Variants in PVT1 observed in about 807,000 individuals in gnomAD.
PVT1 encodes Pvt1 oncogene, also known as CXCR4/PVT1 fusion.
chr8:128,002,965 C>CTT (rs1491575048), intron 4 of PVT1, among the ~76,000 whole-genome samples: 34 of 77,492 alleles, frequency 4.4e-4, no homozygotes, highest in African/African-American at 1.5e-4. Context: ...CTCCCTCCCT[C>CTT]CCTCTTCCTT....
chr8:127,819,679 C>T (rs912547056), intron 2 of PVT1, among the ~76,000 whole-genome samples: 5 of 152,148 alleles, frequency 3.3e-5, no homozygotes, highest in Non-Finnish European at 7.3e-5. Flanking sequence ...ACCCAGCCCT[C>T]GGGAGCTCAC....
intron 2 of PVT1, among the ~76,000 whole-genome samples, chr8:127,878,874 G>A (rs73710049): frequency 0.17 from 25,337 of 152,126 alleles, 2,592 homozygotes; most frequent in East Asian, 0.28. Flanking sequence ...GCCAGGGGTG[G>A]GCTGTTCTGG....
chr8:127,962,031 G>A (rs1453350445), intron 3 of PVT1, among the ~76,000 whole-genome samples: 1 of 152,248 alleles, frequency 6.6e-6, no homozygotes, highest in Non-Finnish European at 1.5e-5. Flanking sequence ...CTGGAGTGCA[G>A]TGGCGCGATC....
At chr8:127,883,173 C>T (rs767503350) in intron 2 of PVT1, among the ~76,000 whole-genome samples, 4 of 144,676 alleles carry the variant, frequency 2.8e-5, no homozygotes, top group Non-Finnish European at 6.3e-5. Context: ...CTTATTATGG[C>T]TCCCCCTGCA....
chr8:127,931,127 A>G (rs12114688), intron 3 of PVT1, among the ~76,000 whole-genome samples: 41,949 of 152,034 alleles, frequency 0.28, 6,588 homozygotes, highest in East Asian at 0.5. Flanking sequence ...GCTGGTCTCA[A>G]ACTCCTGGGC....
At chr8:127,920,886 A>G (rs936663166) in intron 3 of PVT1, among the ~76,000 whole-genome samples, 4 of 152,212 alleles carry the variant, frequency 2.6e-5, no homozygotes, top group Non-Finnish European at 5.9e-5. Context: ...GAAACCAGGA[A>G]TTGTAGATGT....
Position 127,857,149 on chromosome 8 carries a change from A to G in PVT1, n.373-33440A>G, listed in dbSNP as rs190390820. 1.8e-4 allele frequency among the ~76,000 whole-genome samples: 27 copies of G among 152,144 alleles called. No individual in the cohort carries two copies. The East Asian group carries it at 5.1e-3, about 28-fold the overall frequency. ...GCTGAGGCAGGAGAATTGCTTGAAC[A>G]TGGGAGGAAGAAGTTGCAGTGAGCC... On this transcript the variant is annotated intron_variant and non_coding_transcript_variant, in intron 2 of 10. Transcript: ENST00000651587.
chr8:127,876,412 TA>T (rs1435263434), intron 2 of PVT1, among the ~76,000 whole-genome samples: 1 of 151,926 alleles, frequency 6.6e-6, no homozygotes, highest in African/African-American at 2.4e-5. Flanking sequence ...TTTTTATTTT[TA>T]TTTTTTTAAT....
intron 4 of PVT1, among the ~76,000 whole-genome samples, chr8:127,992,578 C>T (rs1817055844): frequency 6.6e-6 from 1 of 152,160 alleles, no homozygotes. Context: ...CCAGAAGCCA[C>T]TTGGTCTGGT....
At chr8:127,931,679 G>A (rs955124471) in intron 3 of PVT1, among the ~76,000 whole-genome samples, 3 of 152,242 alleles carry the variant, frequency 2.0e-5, no homozygotes, top group African/African-American at 7.2e-5. Context: ...TAACCACTGA[G>A]CGGCACTGCC....
chr8:127,952,743 C>A (rs1816520311), intron 3 of PVT1, among the ~76,000 whole-genome samples: 1 of 151,500 alleles, frequency 6.6e-6, no homozygotes, highest in Admixed American at 6.6e-5. Flanking sequence ...GAATCACAAG[C>A]TGTGTCTGCA....
intron 5 of PVT1, among the ~76,000 whole-genome samples, chr8:128,075,391 A>G (rs1814072878): frequency 6.6e-6 from 1 of 152,250 alleles, no homozygotes; most frequent in South Asian, 2.1e-4. Context: ...TAGATGCTCA[A>G]ATAGTGCATG....
At chr8:127,839,744 G>A (rs1287971801) in intron 2 of PVT1, among the ~76,000 whole-genome samples, 1 of 152,150 alleles carries the variant, frequency 6.6e-6, no homozygotes, top group Non-Finnish European at 1.5e-5. Flanking sequence ...GGAAGAGACT[G>A]TGGACAGAGG....
At chr8:127,850,139 G>A (rs553835467) in intron 2 of PVT1, among the ~76,000 whole-genome samples, 1 of 152,182 alleles carries the variant, frequency 6.6e-6, no homozygotes, top group Admixed American at 6.5e-5. Context: ...GGGGAGTGAG[G>A]GACCCTGAGG....
intron 3 of PVT1, among the ~76,000 whole-genome samples, chr8:127,963,221 G>A (rs970568994): frequency 7.9e-5 from 12 of 152,222 alleles, no homozygotes; most frequent in African/African-American, 2.7e-4. Context: ...ACCATGCTCT[G>A]TTATCCCAGG....
intron 3 of PVT1, among the ~76,000 whole-genome samples, chr8:127,920,955 A>G (rs1816049369): frequency 6.6e-6 from 1 of 152,242 alleles, no homozygotes; most frequent in Admixed American, 6.5e-5. Context: ...CAGCGTGCCA[A>G]AAAAAGATCC....
chr8:127,979,968 C>T (rs1816864781), intron 3 of PVT1, among the ~76,000 whole-genome samples: 1 of 152,182 alleles, frequency 6.6e-6, no homozygotes, highest in Non-Finnish European at 1.5e-5. Context: ...CAGCCTTGAT[C>T]TCCTGGGCTC....
intron 2 of PVT1, among the ~76,000 whole-genome samples, chr8:127,886,056 C>T (rs190917240): frequency 1.1e-4 from 16 of 151,964 alleles, no homozygotes; most frequent in Admixed American, 1.3e-4. Flanking sequence ...GAGATGGCAC[C>T]ATTGCACTCC....
intron 3 of PVT1, among the ~76,000 whole-genome samples, chr8:127,921,318 G>A (rs1458036848): frequency 7.1e-6 from 1 of 141,018 alleles, no homozygotes; most frequent in Non-Finnish European, 1.5e-5. Flanking sequence ...TGCAAATCAA[G>A]GGAAAGTGAT....
Sources: allele counts gnomAD v4.1 joint callset (sites outside exome capture counted in the v4.1 genomes callset), GRCh38; gene constraint gnomAD v4.1.1; transcripts MANE v1.5; gene names NCBI Gene and HGNC (gene_info 2026-07-23, HGNC 2026-07-21).